The following ZNF506 variants were observed in gnomAD, a reference collection of about 807,000 sequenced individuals.
ZNF506 encodes zinc finger protein 506.
ZNF506 carries 10 observed loss-of-function variants against 11.6 expected under a neutral mutation model. The observed-to-expected ratio is 0.86, with a 90% CI of 0.53 to 1.46. ZNF506 has a LOEUF of 1.46. Among genes scored for constraint, ZNF506 ranks in the 40% most tolerant of loss-of-function variants. ZNF506 has a pLI of 0.00. For missense variants in ZNF506, 425 were observed against 521.2 expected, an observed-to-expected ratio of 0.82 and a Z score of 1.80; for synonymous variants, 156 against 173.3, an observed-to-expected ratio of 0.90 and a Z score of 0.78.
At chr19:19,811,858 A>G (rs1241529298) in intron 1 of ZNF506, among the ~76,000 whole-genome samples, 2 of 152,184 alleles carry the variant, frequency 1.3e-5, no homozygotes, top group African/African-American at 4.8e-5. Context: ...AGAAGCCACA[A>G]CAATATAAAG....
At chr19:19,815,685 T>C (rs1055295973) in intron 1 of ZNF506, among the ~76,000 whole-genome samples, 11 of 152,360 alleles carry the variant, frequency 7.2e-5, no homozygotes, top group African/African-American at 2.2e-4. Flanking sequence ...AGAGTCATCG[T>C]AGACCCTGAT....
chr19:19,809,641 A>T (rs1443138340), intron 1 of ZNF506, among the ~76,000 whole-genome samples: 1 of 152,210 alleles, frequency 6.6e-6, no homozygotes, highest in East Asian at 1.9e-4. Flanking sequence ...TTAAAACAGA[A>T]GAGATTCAGG....
chr19:19,821,107 C>T (rs2062964302), intron 1 of ZNF506, among the ~76,000 whole-genome samples: 2 of 152,168 alleles, frequency 1.3e-5, no homozygotes, highest in South Asian at 4.1e-4. Context: ...CCCATTTTGG[C>T]CAGGCTTGTC....
At chr19:19,815,056 G>C (rs1470558297) in intron 1 of ZNF506, among the ~76,000 whole-genome samples, 2 of 152,102 alleles carry the variant, frequency 1.3e-5, no homozygotes, top group Non-Finnish European at 2.9e-5. Context: ...AGGAGATCGA[G>C]ACCATCCTGG....
At chr19:19,800,414 T>TTATATATATA (rs2062782221) in intron 3 of ZNF506, among the ~76,000 whole-genome samples, 2 of 98,758 alleles carry the variant, frequency 2.0e-5, no homozygotes, top group Non-Finnish European at 4.5e-5. Context: ...ATATATATAT[T>TTATATATATA]TATATATATT....
At position 19,795,364 on chromosome 19, in the gene ZNF506, A is replaced by G; in HGVS notation, c.523T>C (p.Cys175Arg). 1.2e-6 allele frequency: 2 copies of G among 1,608,646 alleles called. No individual in the cohort carries two copies. The highest frequency in any genetic ancestry group is 1.7e-6 in the Non-Finnish European group (2 of 1,177,298). The part of the protein sequence containing the change: ...IRDTGKKSFK[C>R]IEYGKTFNQS... Reference sequence around the variant, plus strand: ...TTAAAAGTTTTCCCATATTCTATACATTTAAAAGATTTTTTTCCAGTATCT... The same window carrying G: ...TTAAAAGTTTTCCCATATTCTATACGTTTAAAAGATTTTTTTCCAGTATCT... The change falls in exon 4 of 4, where the codon TGT (cysteine) becomes CGT (arginine). Residue 175 changes from cysteine (C) to arginine (R), a missense_variant. Physicochemically the swap from Cys to Arg is radical, Grantham distance 180. This residue lies in a region of ZNF506 where 226 missense variants were observed against 279.1 expected (regional missense o/e 0.81). Transcript: ENST00000540806.
At chr19:19,801,963 G>A (rs1253977344) in intron 3 of ZNF506, among the ~76,000 whole-genome samples, 1 of 151,626 alleles carries the variant, frequency 6.6e-6, no homozygotes, top group Admixed American at 6.6e-5. Context: ...CAGCACTATG[G>A]GAGGCCGAGG....
chr19:19,817,494 G>C (rs1216275438), intron 1 of ZNF506, among the ~76,000 whole-genome samples: 1 of 150,624 alleles, frequency 6.6e-6, no homozygotes, highest in African/African-American at 2.5e-5. Context: ...TTCATCATCA[G>C]TAAGACTCTC....
intron 3 of ZNF506, among the ~76,000 whole-genome samples, chr19:19,802,777 G>A (rs1200891697): frequency 6.6e-6 from 1 of 152,148 alleles, no homozygotes; most frequent in Non-Finnish European, 1.5e-5. Context: ...AAGTAAAAAT[G>A]TATAGGGAGA....
At chr19:19,802,197 T>G (rs1004597081) in intron 3 of ZNF506, among the ~76,000 whole-genome samples, 1 of 136,776 alleles carries the variant, frequency 7.3e-6, no homozygotes, top group Non-Finnish European at 1.5e-5. Context: ...AGAGAGTGAC[T>G]CTATCTCAAA....
At chr19:19,811,704 A>G (rs1568479362) in intron 1 of ZNF506, among the ~76,000 whole-genome samples, 2 of 152,234 alleles carry the variant, frequency 1.3e-5, no homozygotes, top group East Asian at 3.9e-4. Flanking sequence ...CAGGAGGCTG[A>G]GGCAGTAGGC....
At position 19,794,368 on chromosome 19, in the gene ZNF506, A is replaced by T; in HGVS notation, c.*184T>A. On this transcript the variant is annotated 3_prime_UTR_variant, in exon 4 of 4. Transcript: ENST00000540806. ...GCTTTGCCATATTCTTCACACTTGT[A>T]GGGTTTCTGTCCAGTATAAATTATG... 1 of 594,238 alleles carries T rather than the reference A, an allele frequency of 1.7e-6. No individual in the cohort carries two copies. Among genetic ancestry groups the T allele is most frequent in the Non-Finnish European group, 2.8e-6 (1 of 352,324 alleles). The allele number at this position is 594,238 out of a possible 1,614,324, so 36.8% of individuals were successfully genotyped here.
At chr19:19,808,862 A>AAAAG (rs2062861612) in intron 1 of ZNF506, among the ~76,000 whole-genome samples, 1 of 151,540 alleles carries the variant, frequency 6.6e-6, no homozygotes, top group Non-Finnish European at 1.5e-5. Context: ...AAAAAAAAAA[A>AAAAG]AGAAACATGT....
chr19:19,802,738 A>G (rs2062805383), intron 3 of ZNF506, among the ~76,000 whole-genome samples: 1 of 152,248 alleles, frequency 6.6e-6, no homozygotes, highest in African/African-American at 2.4e-5. Flanking sequence ...TGAATCTAAA[A>G]TTATGACAAA....
intron 1 of ZNF506, among the ~76,000 whole-genome samples, chr19:19,820,074 C>A (rs950588770): frequency 6.7e-6 from 1 of 149,430 alleles, no homozygotes; most frequent in African/African-American, 2.5e-5. Flanking sequence ...TCCAGCATGG[C>A]GACAGAGTGA....
intron 1 of ZNF506, among the ~76,000 whole-genome samples, chr19:19,817,414 AT>A (rs1297201898): frequency 6.9e-6 from 1 of 144,212 alleles, no homozygotes; most frequent in African/African-American, 2.6e-5. Context: ...CTTTTTTAGA[AT>A]TTTTTTTACG....
intron 1 of ZNF506, among the ~76,000 whole-genome samples, chr19:19,814,704 G>GA (rs1018966510): frequency 0.013 from 1,907 of 146,514 alleles, 19 homozygotes; most frequent in African/African-American, 0.023. Context: ...AAAGGTAAAA[G>GA]AAAAAAAAAA....
Position 19,795,215 on chromosome 19 carries a change from A to G in ZNF506, c.672T>C (p.Thr224=). The change falls in exon 4 of 4, where the codon ACT becomes ACC. Residue 224 remains threonine (T), a synonymous_variant. Transcript: ENST00000540806. ...SHLTTHKKIH[T]GEKPYKCEEC... Reference sequence around the variant, plus strand: ...CTTCACATTTGTAGGGTTTCTCTCCAGTATGAATTTTCTTATGTGTAGTAA... The same window carrying G: ...CTTCACATTTGTAGGGTTTCTCTCCGGTATGAATTTTCTTATGTGTAGTAA... 6.2e-7 allele frequency: 1 copy of G among 1,613,968 alleles called. No homozygotes were observed. The highest frequency in any genetic ancestry group is 8.5e-7 in the Non-Finnish European group (1 of 1,179,964).
chr19:19,796,620 GTCTC>G (rs2062744518), intron 3 of ZNF506: 1 of 152,160 alleles, frequency 6.6e-6, no homozygotes, highest in African/African-American at 2.4e-5. Context: ...AGCCAGGATA[GTCTC>G]AATCTCCTGA....
Sources: gnomAD v4.1 joint callset for allele counts (sites outside exome capture counted in the v4.1 genomes callset) on GRCh38, gnomAD v4.1.1 for gene constraint, gnomAD v4.1.1 regional missense constraint, MANE v1.5 for transcripts, NCBI Gene and HGNC (gene_info 2026-07-23, HGNC 2026-07-21) for gene names.